SAMMSON: variants seen among roughly 807,000 people sequenced by gnomAD.
The protein encoded by SAMMSON is long intergenic non-protein coding RNA 1212.
chr3:70,053,171 C>G (rs2067152738), intron 3 of SAMMSON, among the ~76,000 whole-genome samples: 1 of 152,090 alleles, frequency 6.6e-6, no homozygotes, highest in Non-Finnish European at 1.5e-5. Context: ...TGGATTATTA[C>G]TTTTCTTCTT....
chr3:70,354,454 G>T (rs1702815144), intron 8 of SAMMSON, among the ~76,000 whole-genome samples: 1 of 152,172 alleles, frequency 6.6e-6, no homozygotes, highest in South Asian at 2.1e-4. Context: ...AATAAAATGT[G>T]ACTATAGAAT....
chr3:70,078,352 A>T (rs1370535523), intron 4 of SAMMSON, among the ~76,000 whole-genome samples: 2 of 152,164 alleles, frequency 1.3e-5, no homozygotes, highest in Non-Finnish European at 2.9e-5. Flanking sequence ...TTAGGTTCAC[A>T]TAGGTGCATG....
chr3:70,377,112 T>C (rs1263329240), intron 9 of SAMMSON, among the ~76,000 whole-genome samples: 1 of 152,156 alleles, frequency 6.6e-6, no homozygotes, highest in Non-Finnish European at 1.5e-5. Flanking sequence ...AGTATAAAAG[T>C]TCTTTAAAAG....
intron 9 of SAMMSON, among the ~76,000 whole-genome samples, chr3:70,366,770 T>G (rs1054405635): frequency 1.3e-5 from 2 of 151,670 alleles, no homozygotes; most frequent in African/African-American, 4.8e-5. Context: ...TAAAAGTGAT[T>G]GTACCATTTT....
intron 1 of SAMMSON, among the ~76,000 whole-genome samples, chr3:70,005,073 A>G (rs2066921104): frequency 6.6e-6 from 1 of 152,190 alleles, no homozygotes. Context: ...TCTCTTTGCT[A>G]CAATGTTTCA....
intron 3 of SAMMSON, among the ~76,000 whole-genome samples, chr3:70,055,809 A>G (rs1354450988): frequency 6.6e-6 from 1 of 152,050 alleles, no homozygotes; most frequent in African/African-American, 2.4e-5. Context: ...GATCTGAACC[A>G]TCCTATTTAT....
chr3:70,289,188 C>T (rs1235856842), intron 6 of SAMMSON, among the ~76,000 whole-genome samples: 20 of 145,786 alleles, frequency 1.4e-4, no homozygotes, highest in Non-Finnish European at 2.0e-4. Context: ...GATTTTGCAG[C>T]GGCTGGTACC....
At chr3:70,096,941 T>C (rs979738589) in intron 4 of SAMMSON, among the ~76,000 whole-genome samples, 5 of 152,212 alleles carry the variant, frequency 3.3e-5, no homozygotes, top group African/African-American at 1.2e-4. Flanking sequence ...TGTGACATTT[T>C]CTGAATTGAA....
At chr3:70,356,135 G>T (rs1702827718) in intron 8 of SAMMSON, among the ~76,000 whole-genome samples, 1 of 152,022 alleles carries the variant, frequency 6.6e-6, no homozygotes, top group Non-Finnish European at 1.5e-5. Flanking sequence ...ATAAAAGCAG[G>T]TATTAATTTT....
At chr3:70,119,391 A>G (rs778513935) in intron 4 of SAMMSON, among the ~76,000 whole-genome samples, 1 of 152,214 alleles carries the variant, frequency 6.6e-6, no homozygotes, top group Admixed American at 6.5e-5. Context: ...CATACAGTAT[A>G]TTTACTTAGA....
chr3:70,414,509 T>A (rs1336117940), intron 2 of SAMMSON, among the ~76,000 whole-genome samples: 1 of 152,148 alleles, frequency 6.6e-6, no homozygotes, highest in East Asian at 1.9e-4. Context: ...TACTGTGTGA[T>A]CTTCAGTAAG....
At chr3:70,176,128 C>T (rs1296787597) in intron 4 of SAMMSON, among the ~76,000 whole-genome samples, 1 of 152,008 alleles carries the variant, frequency 6.6e-6, no homozygotes, top group African/African-American at 2.4e-5. Flanking sequence ...GTAAAAATCC[C>T]ATTTGTTCAC....
intron 7 of SAMMSON, among the ~76,000 whole-genome samples, chr3:70,303,794 G>C (rs1410448888): frequency 6.6e-6 from 1 of 152,048 alleles, no homozygotes; most frequent in African/African-American, 2.4e-5. Context: ...AGATTCTCTT[G>C]CCTCAGCTTC....
At chr3:70,294,145 T>C (rs970308544) in intron 7 of SAMMSON, among the ~76,000 whole-genome samples, 2 of 152,176 alleles carry the variant, frequency 1.3e-5, no homozygotes, top group African/African-American at 4.8e-5. Context: ...TTGTTCAAAA[T>C]AATACTACCC....
intron 3 of SAMMSON, among the ~76,000 whole-genome samples, chr3:70,047,449 G>A (rs1444628888): frequency 2.0e-5 from 3 of 151,170 alleles, no homozygotes; most frequent in African/African-American, 7.3e-5. Flanking sequence ...CGATTCTCCT[G>A]CCTCAGCCTC....
intron 3 of SAMMSON, among the ~76,000 whole-genome samples, chr3:70,049,111 G>A (rs2067137001): frequency 1.3e-5 from 2 of 152,136 alleles, no homozygotes; most frequent in Admixed American, 1.3e-4. Flanking sequence ...TTTATTCTTT[G>A]ATCAAACATT....
chr3:70,330,569 T>G (rs1010291043), intron 7 of SAMMSON, among the ~76,000 whole-genome samples: 48 of 152,094 alleles, frequency 3.2e-4, no homozygotes, highest in Admixed American at 2.6e-4. Flanking sequence ...CATTCAAACA[T>G]TCCTTCATTT....
intron 4 of SAMMSON, among the ~76,000 whole-genome samples, chr3:70,088,556 G>A (rs2067294049): frequency 6.6e-6 from 1 of 152,270 alleles, no homozygotes; most frequent in Non-Finnish European, 1.5e-5. Flanking sequence ...GTATAAATTG[G>A]CTAAGCCCTT....
intron 3 of SAMMSON, among the ~76,000 whole-genome samples, chr3:70,047,605 A>T (rs1445762070): frequency 6.6e-6 from 1 of 152,092 alleles, no homozygotes; most frequent in Non-Finnish European, 1.5e-5. Context: ...AAGTGCCGGG[A>T]TTATAGGCAT....
Sources: gnomAD v4.1 joint callset for allele counts (sites outside exome capture counted in the v4.1 genomes callset) on GRCh38, gnomAD v4.1.1 for gene constraint, MANE v1.5 for transcripts, NCBI Gene and HGNC (gene_info 2026-07-23, HGNC 2026-07-21) for gene names.